The following TNNI3K variants were observed in gnomAD, a reference collection of about 807,000 sequenced individuals.
TNNI3K encodes the protein serine/threonine-protein kinase TNNI3K.
In TNNI3K, 140 loss-of-function variants were observed where a neutral mutation model predicts 114.5. The observed-to-expected ratio is 1.22, with a 90% CI of 1.07 to 1.41. The LOEUF (loss-of-function observed/expected upper bound fraction) is 1.41, where lower values mean the gene tolerates loss of function less well. Among genes scored for constraint, TNNI3K ranks in the 40% most tolerant of loss-of-function variants. The pLI, the probability that TNNI3K is intolerant of heterozygous loss-of-function variation, is 0.00. For missense variants in TNNI3K, 1,125 were observed against 1,007.6 expected (o/e 1.12, Z -1.58); for synonymous variants, 347 against 347.5 (o/e 1.00, Z 0.02).
At chr1:74,248,109 G>A (rs1295082350) in intron 2 of TNNI3K, among the ~76,000 whole-genome samples, 1 of 152,160 alleles carries the variant, frequency 6.6e-6, no homozygotes, top group Non-Finnish European at 1.5e-5. Context: ...TGGGCTGGCA[G>A]TGCTGGGGGA....
At chr1:74,317,910 A>G (rs1051192064) in intron 5 of TNNI3K, among the ~76,000 whole-genome samples, 2 of 152,118 alleles carry the variant, frequency 1.3e-5, no homozygotes, top group African/African-American at 4.8e-5. Flanking sequence ...CCCCCTGCAT[A>G]TCTCTGCTGT....
chr1:74,482,923 T>C (rs1668576463), intron 21 of TNNI3K, among the ~76,000 whole-genome samples: 1 of 152,228 alleles, frequency 6.6e-6, no homozygotes, highest in South Asian at 2.1e-4. Context: ...TTCATTGATA[T>C]TTCTTCCAGC....
At chr1:74,531,844 C>A (rs1441300174) in intron 23 of TNNI3K, among the ~76,000 whole-genome samples, 5 of 152,164 alleles carry the variant, frequency 3.3e-5, no homozygotes, top group Admixed American at 3.3e-4. Flanking sequence ...CTAATATTAT[C>A]ACATAGGTAA....
intron 21 of TNNI3K, chr1:74,483,128 C>A: frequency 2.0e-6 from 1 of 491,222 alleles, no homozygotes. Context: ...TCTCTTTAGT[C>A]ATTGTATGAA....
At chr1:74,326,912 C>T (rs1393125884) in intron 5 of TNNI3K, among the ~76,000 whole-genome samples, 1 of 151,922 alleles carries the variant, frequency 6.6e-6, no homozygotes, top group Non-Finnish European at 1.5e-5. Context: ...GAAAACCTGT[C>T]TCTACTAAAA....
At chr1:74,351,865 T>C (rs1370228950) in intron 9 of TNNI3K, among the ~76,000 whole-genome samples, 1 of 152,178 alleles carries the variant, frequency 6.6e-6, no homozygotes, top group African/African-American at 2.4e-5. Context: ...GTTATCCATT[T>C]GTCTAATTTT....
chr1:74,259,218 G>T (rs149075469), intron 4 of TNNI3K, among the ~76,000 whole-genome samples: 1 of 152,106 alleles, frequency 6.6e-6, no homozygotes, highest in Non-Finnish European at 1.5e-5. Context: ...ACGATCTTCC[G>T]TCTATAAGCT....
chr1:74,327,497 A>G (rs1375416058), intron 5 of TNNI3K, among the ~76,000 whole-genome samples: 1 of 147,068 alleles, frequency 6.8e-6, no homozygotes, highest in Non-Finnish European at 1.5e-5. Flanking sequence ...GTATTTCAGT[A>G]GTAGCATTTA....
At chr1:74,401,034 T>C (rs566329753) in intron 17 of TNNI3K, among the ~76,000 whole-genome samples, 167 of 152,330 alleles carry the variant, frequency 1.1e-3, no homozygotes, top group South Asian at 2.5e-3. Context: ...TTTAATTCAA[T>C]ATTCACTTTC....
intron 9 of TNNI3K, among the ~76,000 whole-genome samples, chr1:74,347,900 C>T (rs1255276955): frequency 2.6e-5 from 4 of 152,054 alleles, no homozygotes; most frequent in Non-Finnish European, 5.9e-5. Flanking sequence ...GATATTAGCC[C>T]TTTGTCAGAT....
chr1:74,238,564 A>C (rs1653999450), intron 2 of TNNI3K, among the ~76,000 whole-genome samples: 1 of 152,108 alleles, frequency 6.6e-6, no homozygotes, highest in African/African-American at 2.4e-5. Context: ...ATGATTTCAA[A>C]ATTAAAAATG....
At chr1:74,538,691 T>G (rs1646690078) in intron 23 of TNNI3K, among the ~76,000 whole-genome samples, 1 of 152,144 alleles carries the variant, frequency 6.6e-6, no homozygotes, top group African/African-American at 2.4e-5. Context: ...AACTGAGGCC[T>G]AAATTGCAGA....
At chr1:74,303,074 C>G (rs898394679) in intron 5 of TNNI3K, among the ~76,000 whole-genome samples, 3 of 152,170 alleles carry the variant, frequency 2.0e-5, no homozygotes, top group Non-Finnish European at 4.4e-5. Flanking sequence ...ATTTACTATT[C>G]TGAAAATCTT....
chr1:74,239,872 GGA>G (rs1388489650), intron 2 of TNNI3K: 4 of 455,626 alleles, frequency 8.8e-6, no homozygotes, highest in Non-Finnish European at 1.8e-5. Context: ...GCTTGATGTG[GGA>G]GAGAGGGGAA....
At chr1:74,301,446 C>A (rs1336225450) in intron 5 of TNNI3K, among the ~76,000 whole-genome samples, 1 of 151,804 alleles carries the variant, frequency 6.6e-6, no homozygotes, top group Non-Finnish European at 1.5e-5. Context: ...TAAGAATGAC[C>A]CAGACAATCC....
intron 9 of TNNI3K, among the ~76,000 whole-genome samples, chr1:74,351,058 G>A (rs1001588246): frequency 1.1e-4 from 17 of 151,472 alleles, no homozygotes; most frequent in South Asian, 4.2e-4. Context: ...TTTCTTCCTA[G>A]CCTTGATGGT....
At chr1:74,450,811 G>A (rs1234243605) in intron 20 of TNNI3K, among the ~76,000 whole-genome samples, 1 of 152,094 alleles carries the variant, frequency 6.6e-6, no homozygotes, top group Non-Finnish European at 1.5e-5. Context: ...TATGTAAATT[G>A]GTTCAACCAT....
At chr1:74,529,183 GAAAA>G (rs1482186869) in intron 23 of TNNI3K, among the ~76,000 whole-genome samples, 1 of 152,092 alleles carries the variant, frequency 6.6e-6, no homozygotes. Context: ...ATTACAAAGA[GAAAA>G]AGAGTAATTT....
At chr1:74,380,136 A>C (rs541140393) in intron 17 of TNNI3K, among the ~76,000 whole-genome samples, 10 of 152,230 alleles carry the variant, frequency 6.6e-5, no homozygotes, top group African/African-American at 2.4e-4. Flanking sequence ...TCTTTGCCTC[A>C]TTCAGCCCAG....
Sources: gnomAD v4.1 joint callset for allele counts (sites outside exome capture counted in the v4.1 genomes callset) on GRCh38, gnomAD v4.1.1 for gene constraint, MANE v1.5 for transcripts, NCBI Gene and HGNC (gene_info 2026-07-23, HGNC 2026-07-21) for gene names.